The following HS6ST3 variants were observed in gnomAD, a reference collection of about 807,000 sequenced individuals.
HS6ST3 encodes the protein heparan-sulfate 6-O-sulfotransferase 3.
HS6ST3 carries 12 observed loss-of-function variants against 36.7 expected under a neutral mutation model. That is an observed-to-expected ratio of 0.33 (90% CI 0.21 to 0.53). The LOEUF is 0.53. Ranked by LOEUF, HS6ST3 falls within the 20% of genes least tolerant of loss-of-function variation. The pLI, the probability that HS6ST3 is intolerant of heterozygous loss-of-function variation, is 0.95. For missense variants in HS6ST3, 584 were observed against 640.9 expected (o/e 0.91, Z 0.96); for synonymous variants, 240 against 257.5 (o/e 0.93, Z 0.65).
chr13:96,326,131 A>T (rs1402691863), intron 1 of HS6ST3, among the ~76,000 whole-genome samples: 1 of 151,736 alleles, frequency 6.6e-6, no homozygotes, highest in Non-Finnish European at 1.5e-5. Context: ...CTGCTTATGA[A>T]GACATAATTT....
chr13:96,660,955 T>C (rs898383879), intron 1 of HS6ST3, among the ~76,000 whole-genome samples: 6 of 152,146 alleles, frequency 3.9e-5, no homozygotes, highest in African/African-American at 1.4e-4. Context: ...TTGCTGAGTT[T>C]TCCAGCCTTC....
intron 1 of HS6ST3, among the ~76,000 whole-genome samples, chr13:96,294,845 GT>G (rs932640311): frequency 4.6e-5 from 7 of 152,088 alleles, no homozygotes; most frequent in South Asian, 4.1e-4. Flanking sequence ...ATGAACATGG[GT>G]TTTTTTCTGA....
At chr13:96,510,317 CA>C (rs1361866357) in intron 1 of HS6ST3, among the ~76,000 whole-genome samples, 1 of 152,072 alleles carries the variant, frequency 6.6e-6, no homozygotes, top group Non-Finnish European at 1.5e-5. Flanking sequence ...ATATCATATG[CA>C]AACAGTGGTA....
At chr13:96,530,499 C>T (rs1594800783) in intron 1 of HS6ST3, among the ~76,000 whole-genome samples, 1 of 150,430 alleles carries the variant, frequency 6.6e-6, no homozygotes. Flanking sequence ...TTTCTTTTTT[C>T]TTTCCCTTTT....
intron 1 of HS6ST3, among the ~76,000 whole-genome samples, chr13:96,612,135 T>C (rs989087398): frequency 6.6e-6 from 1 of 152,120 alleles, no homozygotes; most frequent in African/African-American, 2.4e-5. Flanking sequence ...GGAGAAATAC[T>C]TATTGGAAGA....
chr13:96,760,178 A>G (rs1305785263), intron 1 of HS6ST3, among the ~76,000 whole-genome samples: 1 of 151,928 alleles, frequency 6.6e-6, no homozygotes, highest in Admixed American at 6.6e-5. Flanking sequence ...TTTTTGTTTT[A>G]TATTGCACTA....
chr13:96,331,825 T>C (rs2055070547), intron 1 of HS6ST3, among the ~76,000 whole-genome samples: 1 of 152,086 alleles, frequency 6.6e-6, no homozygotes, highest in Non-Finnish European at 1.5e-5. Context: ...GTGCTAGCAA[T>C]CAGCGAGACT....
intron 1 of HS6ST3, among the ~76,000 whole-genome samples, chr13:96,766,429 C>T (rs1228241777): frequency 6.6e-6 from 1 of 152,068 alleles, no homozygotes; most frequent in Admixed American, 6.5e-5. Context: ...TATTTTCCCC[C>T]TATTTTCTTC....
intron 1 of HS6ST3, among the ~76,000 whole-genome samples, chr13:96,277,416 G>A (rs576270679): frequency 4.6e-5 from 7 of 152,238 alleles, no homozygotes; most frequent in African/African-American, 9.6e-5. Context: ...GTGTACAGTC[G>A]ATACCACTGT....
chr13:96,215,860 A>G (rs1190445214), intron 1 of HS6ST3, among the ~76,000 whole-genome samples: 2 of 151,970 alleles, frequency 1.3e-5, no homozygotes, highest in Non-Finnish European at 2.9e-5. Flanking sequence ...CATCTTTTTA[A>G]TGGGGTTAAT....
intron 1 of HS6ST3, among the ~76,000 whole-genome samples, chr13:96,721,640 A>G (rs763634618): frequency 5.9e-5 from 9 of 152,330 alleles, no homozygotes; most frequent in South Asian, 2.1e-4. Flanking sequence ...TTTCAATAGT[A>G]GAAAGATTGT....
intron 1 of HS6ST3, among the ~76,000 whole-genome samples, chr13:96,483,881 T>A (rs1257942515): frequency 6.6e-6 from 1 of 152,186 alleles, no homozygotes; most frequent in Admixed American, 6.5e-5. Flanking sequence ...AGTTTTGCAC[T>A]TAACATTTAG....
intron 1 of HS6ST3, among the ~76,000 whole-genome samples, chr13:96,261,750 A>G (rs561943419): frequency 2.6e-4 from 39 of 152,340 alleles, no homozygotes; most frequent in African/African-American, 9.1e-4. Flanking sequence ...GTGTAAAGAT[A>G]GAATGTGTAG....
At position 96,554,354 on chromosome 13, in the gene HS6ST3, C is replaced by T. The variant is rs550078148; in HGVS notation, c.708-278136C>T. ...ATCTCTATGTAAAAATGGTATTATA[C>T]ATAGGACAGAAATCACCAATTAAGA... On this transcript the variant is annotated intron_variant, in intron 1 of 1. Coordinates refer to ENST00000376705, the MANE Select transcript of HS6ST3 (RefSeq NM_153456.4). Among the ~76,000 whole-genome samples, 316 of 152,200 alleles carry T rather than the reference C, an allele frequency of 2.1e-3. 2 individuals are homozygous for T. Among genetic ancestry groups the T allele is most frequent in the Non-Finnish European group, 3.8e-3 (261 of 68,006 alleles).
At chr13:96,421,053 T>C (rs967029934) in intron 1 of HS6ST3, among the ~76,000 whole-genome samples, 1 of 152,188 alleles carries the variant, frequency 6.6e-6, no homozygotes, top group African/African-American at 2.4e-5. Context: ...CTGACCAATA[T>C]GAGACCCCAG....
At chr13:96,814,420 A>G (rs1171572143) in intron 1 of HS6ST3, among the ~76,000 whole-genome samples, 5 of 152,118 alleles carry the variant, frequency 3.3e-5, no homozygotes, top group Non-Finnish European at 7.4e-5. Context: ...TTTATTCCAT[A>G]TATCTAATCT....
At chr13:96,130,335 C>A (rs1398952861) in intron 1 of HS6ST3, among the ~76,000 whole-genome samples, 1 of 152,106 alleles carries the variant, frequency 6.6e-6, no homozygotes, top group African/African-American at 2.4e-5. Context: ...GGAACCTTAA[C>A]CCTTTAAGAG....
intron 1 of HS6ST3, among the ~76,000 whole-genome samples, chr13:96,093,599 G>T (rs910395853): frequency 4.0e-5 from 6 of 151,730 alleles, no homozygotes; most frequent in Non-Finnish European, 5.9e-5. Context: ...TTTTTTGGTA[G>T]TATTTTGTTT....
At chr13:96,688,234 C>CTA (rs1874843995) in intron 1 of HS6ST3, among the ~76,000 whole-genome samples, 1 of 148,754 alleles carries the variant, frequency 6.7e-6, no homozygotes, top group Admixed American at 6.7e-5. Context: ...TAATCATCAT[C>CTA]ATCATAATAA....
Sources: allele counts gnomAD v4.1 joint callset (sites outside exome capture counted in the v4.1 genomes callset), GRCh38; gene constraint gnomAD v4.1.1; transcripts MANE v1.5; gene names NCBI Gene and HGNC (gene_info 2026-07-23, HGNC 2026-07-21).